Variants in PRRG4 observed in about 807,000 individuals in gnomAD.
PRRG4 encodes the protein transmembrane gamma-carboxyglutamic acid protein 4.
In PRRG4, 12 loss-of-function variants were observed where a neutral mutation model predicts 20.0. That is an observed-to-expected ratio of 0.60 (90% CI 0.38 to 0.97). PRRG4 has a LOEUF of 0.97. PRRG4 is among the 50% of genes least tolerant of loss of function. The pLI, the probability that PRRG4 is intolerant of heterozygous loss-of-function variation, is 0.00. For missense variants in PRRG4, 199 were observed against 265.1 expected (o/e 0.75, Z 1.73); for synonymous variants, 94 against 96.4 (o/e 0.98, Z 0.15).
intron 2 of PRRG4, among the ~76,000 whole-genome samples, chr11:32,831,511 C>G (rs1565112115): frequency 6.6e-6 from 1 of 152,126 alleles, no homozygotes; most frequent in African/African-American, 2.4e-5. Context: ...AATCCATTAA[C>G]CCAAAGGCGT....
intron 2 of PRRG4, among the ~76,000 whole-genome samples, chr11:32,836,184 G>A (rs1051756847): frequency 5.3e-5 from 8 of 152,012 alleles, no homozygotes; most frequent in Non-Finnish European, 1.2e-4. Flanking sequence ...ATTAGGAAAT[G>A]GCAGCCCAAA....
intron 5 of PRRG4, among the ~76,000 whole-genome samples, chr11:32,846,498 A>G (rs1851131657): frequency 6.6e-6 from 1 of 152,248 alleles, no homozygotes; most frequent in African/African-American, 2.4e-5. Context: ...ACTAGGTTCT[A>G]GGAACACAGC....
intron 3 of PRRG4, among the ~76,000 whole-genome samples, chr11:32,838,391 G>A (rs1851044117): frequency 6.6e-6 from 1 of 152,078 alleles, no homozygotes; most frequent in Non-Finnish European, 1.5e-5. Flanking sequence ...GGAAGGTCAA[G>A]GCTGCAGTGA....
At position 32,840,234 on chromosome 11, in the gene PRRG4, T is replaced by A; in HGVS notation, c.444T>A (p.His148Gln). The A allele has an allele frequency of 6.3e-7, 1 of 1,592,116 alleles. No individual in the cohort carries two copies. The highest frequency in any genetic ancestry group is 8.6e-7 in the Non-Finnish European group (1 of 1,163,292). ...TCACTAAGTGTAATAGGCTACAACA[T>A]CCATGGTAAGTACTAAGTGAAATTA... The part of the protein sequence containing the change: ...LCITKCNRLQ[H>Q]PCSSAVYERG... Residue 148 changes from histidine to glutamine, a missense_variant, in exon 5 of 6, where the codon CAT (histidine) becomes CAA (glutamine). By Grantham distance (24) the His-to-Gln change is conservative. Coordinates refer to ENST00000257836, the MANE Select transcript of PRRG4 (RefSeq NM_024081.6). This position sits in a 1 kb window ranked among gnomAD's most constrained non-coding sequence, Gnocchi z 4.1.
chr11:32,847,305 T>A (rs996341685), intron 5 of PRRG4, among the ~76,000 whole-genome samples: 1 of 151,934 alleles, frequency 6.6e-6, no homozygotes, highest in African/African-American at 2.4e-5. Flanking sequence ...ACGTTTTTTT[T>A]AGTGAAGGAC....
At position 32,830,536 on chromosome 11, in the gene PRRG4, A is replaced by C; in HGVS notation, c.7A>C (p.Thr3Pro). 2 of 1,574,274 alleles carry C rather than the reference A, an allele frequency of 1.3e-6. No homozygotes were observed. The highest frequency in any genetic ancestry group is 1.7e-6 in the Non-Finnish European group (2 of 1,167,730). MF[T>P]LLVLLSQLPT... ...GTTTGACAGTTGCCAGACTATGTTT[A>C]CGCTTCTGGTTCTACTCAGCCAACT... is the stretch of plus-strand genomic sequence containing the variant. Residue 3 changes from threonine to proline, a missense_variant, in exon 2 of 6, where the codon ACG (threonine) becomes CCG (proline). Transcript: ENST00000257836.
chr11:32,832,913 G>A (rs1017804596), intron 2 of PRRG4, among the ~76,000 whole-genome samples: 3 of 152,188 alleles, frequency 2.0e-5, no homozygotes, highest in African/African-American at 4.8e-5. Context: ...TGAAATGCAT[G>A]GACAGCCTCT....
chr11:32,846,648 T>A (rs1851133172), intron 5 of PRRG4, among the ~76,000 whole-genome samples: 1 of 144,140 alleles, frequency 6.9e-6, no homozygotes, highest in Non-Finnish European at 1.6e-5. Flanking sequence ...AGATGTGAGG[T>A]AATGAGTTTG....
chr11:32,836,538 CA>C lies in PRRG4; in HGVS notation c.104-114del, dbSNP rs373138893. 36 of 470,872 alleles carry C rather than the reference CA, an allele frequency of 7.6e-5. No individual in the cohort carries two copies. The South Asian group carries it at 1.3e-3, about 17-fold the overall frequency. 29.2% of individuals were successfully genotyped at this position (470,872 alleles called of 1,614,324 possible). Reference sequence around the variant, plus strand: ...TTTTGGGTTAGATTTTAAAACTTTACAAAAAAGTTTGGTATAATTTAGCCAC... The same window carrying C: ...TTTTGGGTTAGATTTTAAAACTTTACAAAAAGTTTGGTATAATTTAGCCAC... On this transcript the variant is annotated intron_variant, in intron 2 of 5. Transcript: ENST00000257836.
At chr11:32,842,092 G>A (rs1217604230) in intron 5 of PRRG4, among the ~76,000 whole-genome samples, 1 of 152,004 alleles carries the variant, frequency 6.6e-6, no homozygotes. Flanking sequence ...ATAAGAAACT[G>A]GAAGACTTTA....
chr11:32,845,921 G>A (rs573161004), intron 5 of PRRG4, among the ~76,000 whole-genome samples: 13 of 152,120 alleles, frequency 8.5e-5, no homozygotes, highest in South Asian at 8.3e-4. Flanking sequence ...TTGGGAAGCC[G>A]AGGCAGGAAA....
rs1851210229 is a variant in PRRG4, at chr11:32,854,237, A to T, written c.*710A>T. The stretch of plus-strand genomic sequence containing the variant: ...GATTTCTTGTGTTGAATATTAAAAA[A>T]GCAAGGATGTCTAACCATTAAGATT... On this transcript the variant is annotated 3_prime_UTR_variant, in exon 6 of 6. Transcript: ENST00000257836. 1 of 152,232 alleles carries T rather than the reference A, an allele frequency of 6.6e-6. No individual in the cohort carries two copies. Among genetic ancestry groups the T allele is most frequent in the Non-Finnish European group, 1.5e-5 (1 of 68,046 alleles). The allele number at this position is 152,232 out of a possible 1,614,324, so 9.4% of individuals were successfully genotyped here. A position where few individuals can be genotyped will look rare whatever the true frequency, so the allele number is the denominator to read the frequency against.
Position 32,830,161 on chromosome 11 carries a change from C to A in PRRG4, c.-35C>A. 2.0e-6 allele frequency: 2 copies of A among 1,021,574 alleles called. No homozygotes were observed. The highest frequency in any genetic ancestry group is 2.3e-6 in the Non-Finnish European group (2 of 854,350). 63.3% of individuals were successfully genotyped at this position (1,021,574 alleles called of 1,614,324 possible). On this transcript the variant is annotated 5_prime_UTR_variant, in exon 1 of 6. An upstream open reading frame in the 5' UTR gains an earlier in-frame stop. Transcript: ENST00000257836. Reference sequence around the variant, plus strand: ...GGCCCGGGGGCTGCTGGAACATGTGCGGGGGGACACAGGTACGAGGCCTGG... The same window carrying A: ...GGCCCGGGGGCTGCTGGAACATGTGAGGGGGGACACAGGTACGAGGCCTGG...
intron 5 of PRRG4, among the ~76,000 whole-genome samples, chr11:32,852,929 T>G (rs1590680773): frequency 6.9e-6 from 1 of 145,912 alleles, no homozygotes; most frequent in Non-Finnish European, 1.5e-5. Context: ...CCCGCCACCA[T>G]GCCCGGCTAA....
chr11:32,850,192 A>G (rs1851169243), intron 5 of PRRG4, among the ~76,000 whole-genome samples: 1 of 152,198 alleles, frequency 6.6e-6, no homozygotes, highest in Non-Finnish European at 1.5e-5. Flanking sequence ...TGAATAGCAC[A>G]GTCATTATTT....
At position 32,836,807 on chromosome 11, in the gene PRRG4, G is replaced by A; in HGVS notation, c.253G>A (p.Asp85Asn). The stretch of plus-strand genomic sequence containing the variant: ...TGAGGAAGCCAGAGAGATTTTTGTG[G>A]ATGAAGATAAAACGGTAATGTGGTT... The part of the protein sequence containing the change: ...NYEEAREIFV[D>N]EDKTIAFWQE... Residue 85 changes from aspartate (D) to asparagine (N), a missense_variant, in exon 3 of 6, where the codon GAT becomes AAT. Physicochemically the swap from Asp to Asn is conservative, Grantham distance 23 (BLOSUM62 1). Transcript: ENST00000257836. 1 of 1,611,422 alleles carries A rather than the reference G, an allele frequency of 6.2e-7. No homozygotes were observed. Among genetic ancestry groups the A allele is most frequent in the Non-Finnish European group, 8.5e-7 (1 of 1,178,934 alleles).
rs1851226170 is a variant in PRRG4 at position 32,856,138 on chromosome 11, TATAAG to T, written c.*2615_*2619del. 1 of 152,188 alleles carries T rather than the reference TATAAG, an allele frequency of 6.6e-6. No individual in the cohort carries two copies. Among genetic ancestry groups the T allele is most frequent in the Non-Finnish European group, 1.5e-5 (1 of 68,044 alleles). 9.4% of individuals were successfully genotyped at this position (152,188 alleles called of 1,614,324 possible). A position where few individuals can be genotyped will look rare whatever the true frequency, so the allele number is the denominator to read the frequency against. ...TGAAAATATTTATGATGAATAGAATTATAAGATATGTATGTATCTTGCACTGAATC... is the reference window on the plus strand; with the variant it reads ...TGAAAATATTTATGATGAATAGAATTATATGTATGTATCTTGCACTGAATC... On this transcript the variant is annotated 3_prime_UTR_variant, in exon 6 of 6. Coordinates refer to ENST00000257836, the MANE Select transcript of PRRG4 (RefSeq NM_024081.6).
At chr11:32,843,794 C>T (rs1260474681) in intron 5 of PRRG4, among the ~76,000 whole-genome samples, 1 of 150,692 alleles carries the variant, frequency 6.6e-6, no homozygotes, top group Non-Finnish European at 1.5e-5. Context: ...GTTTCCCATT[C>T]TCCCCTCTCC....
intron 4 of PRRG4, 28 bp downstream of exon 4, chr11:32,838,958 G>A (rs753660345): frequency 8.5e-6 from 13 of 1,528,824 alleles, no homozygotes; most frequent in South Asian, 7.9e-5. Context: ...CAAATTTAAT[G>A]CTTTTCTCAT....
Sources: gnomAD v4.1 joint callset for allele counts (sites outside exome capture counted in the v4.1 genomes callset) on GRCh38, gnomAD v4.1.1 for gene constraint, Gnocchi (gnomAD v3.1) non-coding constraint, MANE v1.5 for transcripts, NCBI Gene and HGNC (gene_info 2026-07-23, HGNC 2026-07-21) for gene names.